KCNG4: variants seen among roughly 807,000 people sequenced by gnomAD.
KCNG4 encodes voltage-gated potassium channel regulatory subunit KCNG4.
Under a neutral mutation model 28.2 loss-of-function variants are expected in KCNG4, and 30 were observed. That is an observed-to-expected ratio of 1.06 (90% confidence interval 0.80 to 1.44). The LOEUF (loss-of-function observed/expected upper bound fraction) is 1.44. Ranked by LOEUF, KCNG4 falls within the 40% of genes most tolerant of loss-of-function variation. The pLI is 0.00. For missense variants in KCNG4, 879 were observed against 712.3 expected (o/e 1.23, Z -2.66); for synonymous variants, 375 against 315.5 (o/e 1.19, Z -2.00).
At chr16:84,223,081 C>T (rs1396322816) in intron 2 of KCNG4, 61 bp from the exon 3 acceptor site, 11 of 1,321,154 alleles carry the variant, frequency 8.3e-6, no homozygotes, top group Middle Eastern at 2.5e-4. Flanking sequence ...TGCTGGAAAT[C>T]GGGGGACGAC....
chr16:84,229,304 A>C (rs961284362), intron 2 of KCNG4, among the ~76,000 whole-genome samples: 2 of 143,908 alleles, frequency 1.4e-5, no homozygotes, highest in East Asian at 2.0e-4. Context: ...AAAAAAAAAG[A>C]AAAAAAAAAA....
Position 84,222,853 on chromosome 16 carries a change from C to T in KCNG4, c.924G>A (p.Val308=). Residue 308 remains valine, a synonymous_variant, in exon 3 of 3, where the codon GTG becomes GTA. Transcript: ENST00000308251. ...GGGGCTCCTCAGACACCGCCAGCGA[C>T]ACGTAGTATGGGGAGATGGCCAGGA... ...IDILAISPYY[V]SLAVSEEPPE... The T allele has an allele frequency of 6.2e-7, 1 of 1,611,432 alleles. No homozygotes were observed. Among genetic ancestry groups the T allele is most frequent in the Non-Finnish European group, 8.5e-7 (1 of 1,178,034 alleles).
In KCNG4 at chr16:84,226,712, C is replaced by G. The variant is rs552833228; in HGVS notation, c.757-3692G>C. Among the ~76,000 whole-genome samples, 1 of 101,368 alleles carries G rather than the reference C, an allele frequency of 9.9e-6. No homozygotes were observed. The highest frequency in any genetic ancestry group is 2.1e-4 in the East Asian group (1 of 4,672). The allele number at this position is 101,368 out of a possible 152,430, so 66.5% of individuals were successfully genotyped here. On this transcript the variant is annotated intron_variant, in intron 2 of 2. Coordinates refer to ENST00000308251, the MANE Select transcript of KCNG4 (RefSeq NM_172347.3). This position sits in a 1 kb window ranked among gnomAD's most constrained non-coding sequence, Gnocchi z 4.1. ...TGACCAATATGGTGAAACCTTGTCGCTACTAAAAATACAAAAATTAGCCAG... is the reference window on the plus strand; with the variant it reads ...TGACCAATATGGTGAAACCTTGTCGGTACTAAAAATACAAAAATTAGCCAG...
At chr16:84,232,245 G>A (rs1473104569) in intron 2 of KCNG4, among the ~76,000 whole-genome samples, 2 of 152,246 alleles carry the variant, frequency 1.3e-5, no homozygotes, top group South Asian at 2.1e-4. Context: ...ATAGTATTCG[G>A]CCATGAAGAG....
chr16:84,226,920 T>C lies in KCNG4; in HGVS notation c.757-3900A>G, dbSNP rs1332975512. Among the ~76,000 whole-genome samples, 2 of 151,956 alleles carry C rather than the reference T, an allele frequency of 1.3e-5. No homozygotes were observed. The highest frequency in any genetic ancestry group is 4.8e-5 in the African/African-American group (2 of 41,376). On this transcript the variant is annotated intron_variant, in intron 2 of 2. Transcript: ENST00000308251. This position sits in a 1 kb window ranked among gnomAD's most constrained non-coding sequence, Gnocchi z 4.1. ...AAAAGCGGCAGAATATTGACCATTG[T>C]GTGTAGCTAAGTCATGGAGTCATGG... is the stretch of plus-strand genomic sequence containing the variant.
chr16:84,236,349 T>C (rs1904948029), intron 2 of KCNG4: 1 of 341,988 alleles, frequency 2.9e-6, no homozygotes, highest in Admixed American at 4.4e-5. Flanking sequence ...TTCGAGGTGA[T>C]GTTACCCATT....
chr16:84,223,263 C>G (rs1904622895), intron 2 of KCNG4, among the ~76,000 whole-genome samples: 1 of 152,254 alleles, frequency 6.6e-6, no homozygotes, highest in Admixed American at 6.5e-5. Flanking sequence ...CACCTCCGGA[C>G]TGGAAACAGA....
intron 2 of KCNG4, among the ~76,000 whole-genome samples, chr16:84,224,392 C>T (rs72800760): frequency 0.12 from 13,293 of 115,590 alleles, 639 homozygotes; most frequent in African/African-American, 0.17. Flanking sequence ...GAAAACTTTG[C>T]TATACATATT....
At chr16:84,238,931 G>A (rs1452824733) in intron 1 of KCNG4, among the ~76,000 whole-genome samples, 1 of 152,132 alleles carries the variant, frequency 6.6e-6, no homozygotes, top group Admixed American at 6.5e-5. Flanking sequence ...AGACCTATAT[G>A]AGGTGCTTGA....
Position 84,236,931 on chromosome 16 carries a change from C to T in KCNG4, c.555G>A (p.Arg185=). The T allele has an allele frequency of 2.5e-6, 4 of 1,613,620 alleles. No homozygotes were observed. The highest frequency in any genetic ancestry group is 3.4e-6 in the Non-Finnish European group (4 of 1,180,036). ...LAKLHREDVL[R]QQRETRRPAS... ...CGGGGCGGCGGGTCTCCCTCTGCTG[C>T]CTCAGTACGTCCTCCCTGTGCAGCT... The change falls in exon 2 of 3, where the codon AGG becomes AGA. Residue 185 remains arginine, a synonymous_variant. Transcript: ENST00000308251.
At chr16:84,227,015 A>T (rs1485904498) in intron 2 of KCNG4, among the ~76,000 whole-genome samples, 3 of 146,132 alleles carry the variant, frequency 2.1e-5, no homozygotes, top group African/African-American at 7.5e-5. Context: ...ATGAAAAGTT[A>T]AAAAAAAAAA....
chr16:84,233,828 G>T (rs1316530539), intron 2 of KCNG4, among the ~76,000 whole-genome samples: 1 of 152,194 alleles, frequency 6.6e-6, no homozygotes, highest in Non-Finnish European at 1.5e-5. Flanking sequence ...TATCAGTGTT[G>T]TGTAGTCATA....
In KCNG4 at chr16:84,236,785, G is replaced by A; in HGVS notation, c.701C>T (p.Thr234Ile). 1 of 1,613,772 alleles carries A rather than the reference G, an allele frequency of 6.2e-7. No homozygotes were observed. The highest frequency in any genetic ancestry group is 8.5e-7 in the Non-Finnish European group (1 of 1,180,034). The change falls in exon 2 of 3, where the codon ACA becomes ATA. Residue 234 changes from threonine to isoleucine, a missense_variant. Thr to Ile is a moderately conservative substitution (Grantham distance 89). Coordinates refer to ENST00000308251, the MANE Select transcript of KCNG4 (RefSeq NM_172347.3). ...GGTGCTGACACACAGGCTGACGGCT[G>A]TGGTGGCCACGAAGAGGATGGAGAG... ...ACLSILFVAT[T>I]AVSLCVSTMP...
rs373063526 is a variant in KCNG4 at position 84,222,517 on chromosome 16, G to T, written c.1260C>A (p.Gly420=). ...CACTGCGGGGCACCATGTCCCCGTA[G>T]CCCACCGTTGTCATGGAGATGATGG... ...WWAIISMTTV[G]YGDMVPRSVP... Residue 420 remains glycine (G), a synonymous_variant, in exon 3 of 3, where the codon GGC becomes GGA. Coordinates refer to ENST00000308251, the MANE Select transcript of KCNG4 (RefSeq NM_172347.3). 1.9e-6 allele frequency: 3 copies of T among 1,613,346 alleles called. No homozygotes were observed. The highest frequency in any genetic ancestry group is 2.5e-6 in the Non-Finnish European group (3 of 1,179,816).
rs976560313 is a variant in KCNG4 at position 84,220,117 on chromosome 16, T to C, written c.*2100A>G. 2 of 152,158 alleles carry C rather than the reference T, an allele frequency of 1.3e-5. No homozygotes were observed. Among genetic ancestry groups the C allele is most frequent in the Non-Finnish European group, 2.9e-5 (2 of 68,030 alleles). 9.4% of individuals were successfully genotyped at this position (152,158 alleles called of 1,614,324 possible). A position where few individuals can be genotyped will look rare whatever the true frequency, so the allele number is the denominator to read the frequency against. ...AAATGTTACTCTGGAACAGAAACACTTCTATGGCTACTGTCCAAGGTGCCT... is the reference window on the plus strand; with the variant it reads ...AAATGTTACTCTGGAACAGAAACACCTCTATGGCTACTGTCCAAGGTGCCT... On this transcript the variant is annotated 3_prime_UTR_variant, in exon 3 of 3. Transcript: ENST00000308251.
rs759732709 is a variant in KCNG4, at chr16:84,221,537, C to T, written c.*680G>A. On this transcript the variant is annotated 3_prime_UTR_variant, in exon 3 of 3. Coordinates refer to ENST00000308251, the MANE Select transcript of KCNG4 (RefSeq NM_172347.3). ...AGATCCCAGGCATGCCTGGGGATGC[C>T]TGCTCCTTCTTGAGCTCCAGGTAAA... 1 of 152,212 alleles carries T rather than the reference C, an allele frequency of 6.6e-6. No homozygotes were observed. The allele number at this position is 152,212 out of a possible 1,614,324, so 9.4% of individuals were successfully genotyped here.
Position 84,221,320 on chromosome 16 carries a change from T to C in KCNG4, c.*897A>G, listed in dbSNP as rs11644129. Reference sequence around the variant, plus strand: ...GGATGAAAAGCTAAGGCCCCTGCAGTGTGGGAGCAACCAGCAGCAGGAACG... The same window carrying C: ...GGATGAAAAGCTAAGGCCCCTGCAGCGTGGGAGCAACCAGCAGCAGGAACG... On this transcript the variant is annotated 3_prime_UTR_variant, in exon 3 of 3. Transcript: ENST00000308251. The C allele has an allele frequency of 0.21, 31,748 of 152,066 alleles. 3,486 individuals are homozygous for C. Among genetic ancestry groups the C allele is most frequent in the Non-Finnish European group, 0.22 (14,906 of 68,024 alleles). 9.4% of individuals were successfully genotyped at this position (152,066 alleles called of 1,614,324 possible).
rs1437289336 is a variant in KCNG4, at chr16:84,223,003, C to T, written c.774G>A (p.Lys258=). Residue 258 remains lysine, a synonymous_variant, in exon 3 of 3, where the codon AAG becomes AAA. Coordinates refer to ENST00000308251, the MANE Select transcript of KCNG4 (RefSeq NM_172347.3). ...AEEDQGECSR[K]CYYIFIVETI... Reference sequence around the variant, plus strand: ...TCTCCACGATGAAAATATAGTAGCACTTCCGAGAGCATTCGCCCTGCGGGG... The same window carrying T: ...TCTCCACGATGAAAATATAGTAGCATTTCCGAGAGCATTCGCCCTGCGGGG... 1 of 1,528,278 alleles carries T rather than the reference C, an allele frequency of 6.5e-7. No individual in the cohort carries two copies. The highest frequency in any genetic ancestry group is 2.3e-5 in the East Asian group (1 of 43,984). 94.7% of individuals were successfully genotyped at this position (1,528,278 alleles called of 1,614,324 possible).
At position 84,221,041 on chromosome 16, in the gene KCNG4, G is replaced by C. The variant is rs1322213534; in HGVS notation, c.*1176C>G. The C allele has an allele frequency of 1.3e-5, 2 of 152,506 alleles. No homozygotes were observed. Among genetic ancestry groups the C allele is most frequent in the African/African-American group, 4.8e-5 (2 of 41,554 alleles). 9.4% of individuals were successfully genotyped at this position (152,506 alleles called of 1,614,324 possible). ...GGGAGCCCACTGCTTGGAAGTCATT[G>C]CTCCTTCCTGCCTGCTCTCAGAATA... On this transcript the variant is annotated 3_prime_UTR_variant, in exon 3 of 3. Transcript: ENST00000308251.
Sources: gnomAD v4.1 joint callset for allele counts (sites outside exome capture counted in the v4.1 genomes callset) on GRCh38, gnomAD v4.1.1 for gene constraint, Gnocchi (gnomAD v3.1) non-coding constraint, MANE v1.5 for transcripts, NCBI Gene and HGNC (gene_info 2026-07-23, HGNC 2026-07-21) for gene names.